The following HSPE1 variants were observed in gnomAD, a reference collection of about 807,000 sequenced individuals.
HSPE1 encodes 10 kDa heat shock protein, mitochondrial.
In HSPE1, 1 loss-of-function variant was observed where a neutral mutation model predicts 13.2. That is an observed-to-expected ratio of 0.08 (90% CI 0.03 to 0.36). The LOEUF (loss-of-function observed/expected upper bound fraction) is 0.36, where lower values mean the gene tolerates loss of function less well. HSPE1 is among the 10% of genes least tolerant of loss of function. The pLI, the probability that HSPE1 is intolerant of heterozygous loss-of-function variation, is 0.99. For missense variants in HSPE1, 73 were observed against 118.7 expected, an observed-to-expected ratio of 0.62 and a Z score of 1.79; for synonymous variants, 44 against 42.0, an observed-to-expected ratio of 1.05 and a Z score of -0.19.
rs1217956940 is a variant in HSPE1, at chr2:197,503,288, A to C, written c.*29A>C. ...AAGTCACTATTGAAATGGCATCAAC[A>C]TGATGCTGCCCATTCCACTGAAGTT... is the stretch of plus-strand genomic sequence containing the variant. On this transcript the variant is annotated 3_prime_UTR_variant, in exon 4 of 4. Transcript: ENST00000233893. 7.1e-7 allele frequency: 1 copy of C among 1,416,492 alleles called. No homozygotes were observed. The highest frequency in any genetic ancestry group is 1.4e-5 in the African/African-American group (1 of 70,984). 87.7% of individuals were successfully genotyped at this position (1,416,492 alleles called of 1,614,324 possible).
chr2:197,501,034 T>C, intron 1 of HSPE1, 40 bp from the exon 2 acceptor site: 1 of 1,604,280 alleles, frequency 6.2e-7, no homozygotes, highest in East Asian at 2.2e-5. Flanking sequence ...ATAATGTGAT[T>C]ACATTTAGTT....
chr2:197,501,355 T>A, intron 2 of HSPE1, 117 bp downstream of exon 2: 1 of 1,198,446 alleles, frequency 8.3e-7, no homozygotes, highest in Non-Finnish European at 1.1e-6. Context: ...TCAAGATCAT[T>A]AACTGCTTTG....
chr2:197,500,560 G>A (rs2086238259), intron 1 of HSPE1, 121 bp downstream of exon 1: 1 of 1,439,506 alleles, frequency 6.9e-7, no homozygotes, highest in Non-Finnish European at 9.5e-7. Flanking sequence ...AGTGACCAGC[G>A]CCCGATGGCA....
intron 2 of HSPE1, among the ~76,000 whole-genome samples, chr2:197,502,064 GGACT>G (rs2086263176): frequency 6.6e-6 from 1 of 152,074 alleles, no homozygotes; most frequent in South Asian, 2.1e-4. Flanking sequence ...GAGGAAACTT[GGACT>G]GTTCGTTTAA....
chr2:197,500,884 G>C (rs1486726295), intron 1 of HSPE1, 190 bp from the exon 2 acceptor site: 1 of 689,096 alleles, frequency 1.5e-6, no homozygotes. Flanking sequence ...ACCCCTAACA[G>C]ACGTAAGGAA....
At position 197,503,294 on chromosome 2, in the gene HSPE1, C is replaced by G; in HGVS notation, c.*35C>G. 1 of 1,343,610 alleles carries G rather than the reference C, an allele frequency of 7.4e-7. No homozygotes were observed. Among genetic ancestry groups the G allele is most frequent in the Non-Finnish European group, 1.1e-6 (1 of 952,212 alleles). The allele number at this position is 1,343,610 out of a possible 1,614,324, so 83.2% of individuals were successfully genotyped here. A position where few individuals can be genotyped will look rare whatever the true frequency, so the allele number is the denominator to read the frequency against. ...CTATTGAAATGGCATCAACATGATGCTGCCCATTCCACTGAAGTTCTGAAA... is the reference window on the plus strand; with the variant it reads ...CTATTGAAATGGCATCAACATGATGGTGCCCATTCCACTGAAGTTCTGAAA... On this transcript the variant is annotated 3_prime_UTR_variant, in exon 4 of 4. Transcript: ENST00000233893.
chr2:197,501,031 G>T, intron 1 of HSPE1, 43 bp from the exon 2 acceptor site: 3 of 1,603,456 alleles, frequency 1.9e-6, no homozygotes, highest in South Asian at 1.1e-5. Flanking sequence ...TTGATAATGT[G>T]ATTACATTTA....
intron 2 of HSPE1, 87 bp downstream of exon 2, chr2:197,501,325 A>G (rs2086252308): frequency 1.4e-6 from 2 of 1,414,876 alleles, no homozygotes; most frequent in South Asian, 1.5e-5. Flanking sequence ...GTCGCTTATT[A>G]AGTAGAGTTT....
At chr2:197,502,989 T>A (rs749601737) in intron 2 of HSPE1, 50 bp from the exon 3 acceptor site, 16 of 965,888 alleles carry the variant, frequency 1.7e-5, no homozygotes, top group Non-Finnish European at 2.5e-5. Flanking sequence ...TAACTGTTTA[T>A]GTTGGGTGAA....
chr2:197,501,618 C>G (rs1026294001), intron 2 of HSPE1: 1 of 155,300 alleles, frequency 6.4e-6, no homozygotes, highest in African/African-American at 2.4e-5. Flanking sequence ...CAAAAATTAG[C>G]CGGGTGTGGT....
chr2:197,503,013 C>T, intron 2 of HSPE1, 26 bp from the exon 3 acceptor site: 3 of 1,329,940 alleles, frequency 2.3e-6, no homozygotes, highest in African/African-American at 2.9e-5. Flanking sequence ...GATATCTTTG[C>T]TAATAAACAT....
intron 1 of HSPE1, 136 bp from the exon 2 acceptor site, chr2:197,500,938 C>T: frequency 9.8e-7 from 1 of 1,023,570 alleles, no homozygotes; most frequent in East Asian, 2.5e-5. Context: ...TTCAAATGCG[C>T]TTCCTTAACG....
rs1309793643 is a variant in HSPE1 at position 197,501,715 on chromosome 2, G to T, written c.168+477G>T. Among the ~76,000 whole-genome samples, 6 of 148,540 alleles carry T rather than the reference G, an allele frequency of 4.0e-5. No individual in the cohort carries two copies. The Admixed American group carries it at 4.1e-4, about 10-fold the overall frequency. On this transcript the variant is annotated intron_variant, in intron 2 of 3. Transcript: ENST00000233893. ...GAGGCGGAGGTTGCAAGGAGCCGAG[G>T]TTGCAAGGCGCCCCTGCATTCCAGT...
intron 1 of HSPE1, 100 bp downstream of exon 1, chr2:197,500,539 G>T: frequency 6.8e-7 from 1 of 1,474,026 alleles, no homozygotes; most frequent in Non-Finnish European, 9.3e-7. Context: ...GGGAGGGATT[G>T]GTGGCCACTC....
intron 2 of HSPE1, 128 bp downstream of exon 2, chr2:197,501,366 GT>G: frequency 9.3e-7 from 1 of 1,077,632 alleles, no homozygotes; most frequent in Non-Finnish European, 1.3e-6. Context: ...AACTGCTTTG[GT>G]TCTAATCTGT....
Position 197,502,424 on chromosome 2 carries a change from C to T in HSPE1, c.169-615C>T, listed in dbSNP as rs1072612. On this transcript the variant is annotated intron_variant, in intron 2 of 3. Transcript: ENST00000233893. ...GATCTCAGCCAAAATACACAGTAAACGCCGTTGGGGCCAAATAATGTTAAC... is the reference window on the plus strand; with the variant it reads ...GATCTCAGCCAAAATACACAGTAAATGCCGTTGGGGCCAAATAATGTTAAC... Among the ~76,000 whole-genome samples the T allele has an allele frequency of 5.2e-3, 794 of 152,240 alleles. 6 individuals carry two copies. Among genetic ancestry groups the T allele is most frequent in the African/African-American group, 0.017 (725 of 41,534 alleles).
chr2:197,501,309 T>C lies in HSPE1; in HGVS notation c.168+71T>C, dbSNP rs2086252135. The C allele has an allele frequency of 8.8e-6, 13 of 1,473,198 alleles. No individual in the cohort carries two copies. The South Asian group carries it at 1.5e-4, about 17-fold the overall frequency. 91.3% of individuals were successfully genotyped at this position (1,473,198 alleles called of 1,614,324 possible). On this transcript the variant is annotated intron_variant, in intron 2 of 3. Coordinates refer to ENST00000233893, the MANE Select transcript of HSPE1 (RefSeq NM_002157.3). ...AGGGAAAAGAAGTAATTCTGGAGTA[T>C]TAAAAGTCGCTTATTAAGTAGAGTT...
In HSPE1 at chr2:197,501,166, G is replaced by T. The variant is rs763415808; in HGVS notation, c.96G>T (p.Met32Ile). 6.2e-7 allele frequency: 1 copy of T among 1,614,162 alleles called. No individual in the cohort carries two copies. The highest frequency in any genetic ancestry group is 1.1e-5 in the South Asian group (1 of 91,082). ...AAETVTKGGI[M>I]LPEKSQGKVL... ...AAACTGTAACCAAAGGAGGCATTAT[G>T]CTTCCAGAAAAATCTCAAGGAAAAG... Residue 32 changes from methionine (M) to isoleucine (I), a missense_variant, in exon 2 of 4, where the codon ATG becomes ATT. Transcript: ENST00000233893.
In HSPE1 at chr2:197,500,454, GC is replaced by G; in HGVS notation, c.3+19del. 6.4e-7 allele frequency: 1 copy of G among 1,570,754 alleles called. No individual in the cohort carries two copies. The highest frequency in any genetic ancestry group is 8.7e-7 in the Non-Finnish European group (1 of 1,155,384). On this transcript the variant is annotated intron_variant, in intron 1 of 3. Transcript: ENST00000233893. ...AGGGAGTAATGGTGAGTCCCGCGTG[GC>G]CCCGAGGCCTGCAGGCCCGGGCCTG...
Sources: gnomAD v4.1 joint callset for allele counts (sites outside exome capture counted in the v4.1 genomes callset) on GRCh38, gnomAD v4.1.1 for gene constraint, MANE v1.5 for transcripts, NCBI Gene and HGNC (gene_info 2026-07-23, HGNC 2026-07-21) for gene names.